GALNTL6: variants seen among roughly 807,000 people sequenced by gnomAD.
GALNTL6 encodes the protein polypeptide N-acetylgalactosaminyltransferase like 6, also known as polypeptide N-acetylgalactosaminyltransferase-like 6.
A neutral mutation model predicts 73.7 loss-of-function variants in GALNTL6; 46 were observed. That is an observed-to-expected ratio of 0.62 (90% CI 0.49 to 0.80). The LOEUF is 0.80. GALNTL6 is among the 30% of genes least tolerant of loss of function. The pLI, the probability that GALNTL6 is intolerant of heterozygous loss-of-function variation, is 0.00. For missense variants in GALNTL6, 604 were observed against 755.0 expected, an observed-to-expected ratio of 0.80 and a Z score of 2.34; for synonymous variants, 259 against 263.7, an observed-to-expected ratio of 0.98 and a Z score of 0.17.
chr4:172,980,662 C>T (rs1266915069), intron 10 of GALNTL6, among the ~76,000 whole-genome samples: 1 of 152,154 alleles, frequency 6.6e-6, no homozygotes, highest in Non-Finnish European at 1.5e-5. Context: ...GACCCCTCTT[C>T]CTTCCTCTTG....
At chr4:171,847,155 T>C (rs1396854068) in intron 2 of GALNTL6, among the ~76,000 whole-genome samples, 1 of 151,964 alleles carries the variant, frequency 6.6e-6, no homozygotes, top group East Asian at 1.9e-4. Flanking sequence ...CAAGTGTATC[T>C]TGGAGATATT....
intron 3 of GALNTL6, among the ~76,000 whole-genome samples, chr4:172,283,567 A>G (rs1739137754): frequency 6.6e-6 from 1 of 152,178 alleles, no homozygotes; most frequent in Non-Finnish European, 1.5e-5. Flanking sequence ...TAACAGAAGT[A>G]GAAACTAGCA....
chr4:172,654,190 T>C (rs1041255191), intron 5 of GALNTL6, among the ~76,000 whole-genome samples: 1 of 152,206 alleles, frequency 6.6e-6, no homozygotes, highest in Non-Finnish European at 1.5e-5. Flanking sequence ...AGTGAAAATA[T>C]GATTCAAATT....
intron 2 of GALNTL6, among the ~76,000 whole-genome samples, chr4:172,030,689 CACACAGCT>C (rs1741739530): frequency 6.6e-6 from 1 of 151,760 alleles, no homozygotes; most frequent in Non-Finnish European, 1.5e-5. Flanking sequence ...TAGCCTGGGC[CACACAGCT>C]AGACTCTGTC....
intron 2 of GALNTL6, among the ~76,000 whole-genome samples, chr4:172,101,874 G>A (rs1579140091): frequency 6.6e-6 from 1 of 151,398 alleles, no homozygotes; most frequent in East Asian, 1.9e-4. Flanking sequence ...AAAGTGAGTT[G>A]AAATAAGACA....
At chr4:172,417,805 T>C (rs532973700) in intron 5 of GALNTL6, among the ~76,000 whole-genome samples, 2 of 152,228 alleles carry the variant, frequency 1.3e-5, no homozygotes, top group Non-Finnish European at 2.9e-5. Context: ...TGTTTGTTTT[T>C]AGCAGTTATT....
At chr4:172,664,617 G>A (rs1156364783) in intron 5 of GALNTL6, among the ~76,000 whole-genome samples, 2 of 152,144 alleles carry the variant, frequency 1.3e-5, no homozygotes, top group Non-Finnish European at 2.9e-5. Context: ...TTAACAATAG[G>A]TGTGACAGTC....
intron 3 of GALNTL6, among the ~76,000 whole-genome samples, chr4:172,262,596 A>C (rs1437482072): frequency 6.6e-6 from 1 of 151,594 alleles, no homozygotes; most frequent in African/African-American, 2.4e-5. Context: ...GTATCTTTTA[A>C]ATGGAGCATT....
At chr4:172,346,988 CTTTTTTTTTT>C (rs34332250) in intron 4 of GALNTL6, among the ~76,000 whole-genome samples, 1 of 114,410 alleles carries the variant, frequency 8.7e-6, no homozygotes, top group East Asian at 2.6e-4. Flanking sequence ...TGTTTTCTTT[CTTTTTTTTTT>C]TTTTTTTTTG....
chr4:172,659,914 C>A (rs956612689), intron 5 of GALNTL6, among the ~76,000 whole-genome samples: 1 of 152,122 alleles, frequency 6.6e-6, no homozygotes, highest in East Asian at 1.9e-4. Flanking sequence ...ATTGTATAAT[C>A]CAGTTTCTTA....
chr4:172,918,793 T>C (rs948552150), intron 8 of GALNTL6, among the ~76,000 whole-genome samples: 1 of 152,202 alleles, frequency 6.6e-6, no homozygotes, highest in African/African-American at 2.4e-5. Flanking sequence ...CCCAACTTTA[T>C]GGAAGATGAC....
intron 5 of GALNTL6, among the ~76,000 whole-genome samples, chr4:172,789,299 A>C (rs1017658308): frequency 1.3e-5 from 2 of 152,198 alleles, no homozygotes; most frequent in African/African-American, 4.8e-5. Context: ...ACATGTATTT[A>C]GTGGTTTGTT....
At chr4:172,025,052 A>G (rs1013328578) in intron 2 of GALNTL6, among the ~76,000 whole-genome samples, 4 of 151,974 alleles carry the variant, frequency 2.6e-5, no homozygotes, top group African/African-American at 9.7e-5. Flanking sequence ...GTGACCCTCA[A>G]TGCTTCACAG....
chr4:172,738,345 T>C (rs115153420), intron 5 of GALNTL6, among the ~76,000 whole-genome samples: 56 of 152,262 alleles, frequency 3.7e-4, no homozygotes, highest in African/African-American at 1.3e-3. Context: ...CTCATCCTCA[T>C]ACTTGAGCTC....
At chr4:171,974,014 T>C (rs368141196) in intron 2 of GALNTL6, among the ~76,000 whole-genome samples, 1 of 152,130 alleles carries the variant, frequency 6.6e-6, no homozygotes, top group African/African-American at 2.4e-5. Flanking sequence ...ATTTATTTAT[T>C]TTTTTGAAAG....
chr4:172,736,125 A>T (rs559723823), intron 5 of GALNTL6, among the ~76,000 whole-genome samples: 6 of 152,330 alleles, frequency 3.9e-5, no homozygotes, highest in Admixed American at 1.3e-4. Flanking sequence ...TCATTGATGA[A>T]CAGGAAACAG....
intron 3 of GALNTL6, among the ~76,000 whole-genome samples, chr4:172,276,895 T>C (rs964556142): frequency 2.0e-5 from 3 of 152,168 alleles, no homozygotes; most frequent in African/African-American, 7.2e-5. Flanking sequence ...GCCATTTTAT[T>C]AATTTAATGG....
At chr4:172,732,534 T>C (rs148556599) in intron 5 of GALNTL6, among the ~76,000 whole-genome samples, 86 of 152,334 alleles carry the variant, frequency 5.6e-4, no homozygotes, top group African/African-American at 1.9e-3. Context: ...TTAGCGTTAT[T>C]ATTGATAAGA....
intron 5 of GALNTL6, among the ~76,000 whole-genome samples, chr4:172,430,819 C>T (rs1281057946): frequency 6.6e-6 from 1 of 151,836 alleles, no homozygotes; most frequent in Non-Finnish European, 1.5e-5. Flanking sequence ...ACCACCACCA[C>T]AACAACAGTA....
Sources: gnomAD v4.1 joint callset for allele counts (sites outside exome capture counted in the v4.1 genomes callset) on GRCh38, gnomAD v4.1.1 for gene constraint, MANE v1.5 for transcripts, NCBI Gene and HGNC (gene_info 2026-07-23, HGNC 2026-07-21) for gene names.